Variants in CLECL1 observed in about 807,000 individuals in gnomAD.
The protein encoded by CLECL1 is C-type lectin-like domain family 1.
At chr12:9,713,668 T>C (rs1356768578), downstream of CLECL1, among the ~76,000 whole-genome samples, 1 of 152,226 alleles carries the variant, frequency 6.6e-6, no homozygotes, top group Admixed American at 6.5e-5. Context: ...ACTTATGTCT[T>C]TTTGTGCAAT....
At chr12:9,731,851 A>G (rs567451639) in intron 1 of CLECL1, among the ~76,000 whole-genome samples, 8 of 152,230 alleles carry the variant, frequency 5.3e-5, no homozygotes, top group Non-Finnish European at 1.2e-4. Flanking sequence ...CGGAATCAAA[A>G]ATATTGGTTT....
the CLECL1 span, among the ~76,000 whole-genome samples, chr12:9,706,671 AT>A: frequency 6.6e-6 from 1 of 152,186 alleles, no homozygotes; most frequent in African/African-American, 2.4e-5. Context: ...TGGTTGGTGT[AT>A]GTTGAACCAA....
the CLECL1 span, chr12:9,704,157 G>C: frequency 2.0e-5 from 3 of 151,838 alleles, no homozygotes; most frequent in Non-Finnish European, 4.4e-5. Flanking sequence ...TCAAATTTAT[G>C]GTAAGTTCAT....
At chr12:9,708,801 C>A in the CLECL1 span, 17 of 176,024 alleles carry the variant, frequency 9.7e-5, no homozygotes, top group Non-Finnish European at 2.0e-4. Flanking sequence ...CACTGGCTTT[C>A]TCTCTCCATC....
chr12:9,725,289 T>G (rs1243421687), intron 3 of CLECL1, among the ~76,000 whole-genome samples: 1 of 152,120 alleles, frequency 6.6e-6, no homozygotes, highest in African/African-American at 2.4e-5. Context: ...CAACATATCT[T>G]CAAAAAACAT....
At chr12:9,733,362 T>G (rs1176411753), upstream of CLECL1, 2 of 798,988 alleles carry the variant, frequency 2.5e-6, no homozygotes, top group Non-Finnish European at 2.0e-6. Context: ...TTTTCTCCTA[T>G]AGACCACTTC....
At chr12:9,731,083 T>C (rs1426088250) in intron 1 of CLECL1, among the ~76,000 whole-genome samples, 2 of 152,178 alleles carry the variant, frequency 1.3e-5, no homozygotes, top group African/African-American at 2.4e-5. Context: ...ATAAAAGATA[T>C]TGATCATTCT....
intron 1 of CLECL1, among the ~76,000 whole-genome samples, chr12:9,732,143 T>C (rs1055007821): frequency 2.6e-5 from 4 of 151,848 alleles, no homozygotes; most frequent in African/African-American, 9.7e-5. Flanking sequence ...CTTTTGAAAA[T>C]ATAAAGAAGA....
chr12:9,733,240 T>G (rs1866476243), upstream of CLECL1: 1 of 1,611,004 alleles, frequency 6.2e-7, no homozygotes, highest in East Asian at 2.2e-5. Context: ...AATACTTGTA[T>G]GACATGGAAG....
chr12:9,714,765 A>G (rs1866222283), downstream of CLECL1, among the ~76,000 whole-genome samples: 1 of 152,174 alleles, frequency 6.6e-6, no homozygotes, highest in Non-Finnish European at 1.5e-5. Flanking sequence ...ATGGCCATTG[A>G]TCTCTTATTA....
downstream of CLECL1, among the ~76,000 whole-genome samples, chr12:9,718,123 C>T (rs1866259799): frequency 6.6e-6 from 1 of 151,918 alleles, no homozygotes; most frequent in South Asian, 2.1e-4. Flanking sequence ...TTCCAAGTAT[C>T]TTTCTTTTAT....
chr12:9,722,480 C>A (rs756891350), downstream of CLECL1: 1,122 of 1,121,736 alleles, frequency 1.0e-3, 7 homozygotes, highest in African/African-American at 0.016. Flanking sequence ...AAAAAAAAAA[C>A]CTCAAAGGTA....
the CLECL1 span, among the ~76,000 whole-genome samples, chr12:9,705,430 CCTTTT>C: frequency 6.6e-6 from 1 of 152,040 alleles, no homozygotes; most frequent in African/African-American, 2.4e-5. Context: ...GTCAATCTTT[CCTTTT>C]CTTACAATTG....
At chr12:9,727,311 T>C (rs59016059) in intron 3 of CLECL1, among the ~76,000 whole-genome samples, 27,721 of 151,752 alleles carry the variant, frequency 0.18, 2,822 homozygotes, top group African/African-American at 0.27. Flanking sequence ...CAAAATAAAA[T>C]ACAATTATTT....
At chr12:9,716,861 C>T in intron 2 of CLECL1, 1 of 713,298 alleles carries the variant, frequency 1.4e-6, no homozygotes, top group Non-Finnish European at 2.1e-6. Flanking sequence ...ATTATGGGAC[C>T]ATCCTAGAAT....
At chr12:9,722,933 T>C in intron 3 of CLECL1, 120 bp from the exon 2 acceptor site, 1 of 654,702 alleles carries the variant, frequency 1.5e-6, no homozygotes, top group Non-Finnish European at 2.4e-6. Flanking sequence ...GAAAAAAGTA[T>C]GTGCTTTGTT....
At chr12:9,733,079 G>T (rs142098692), upstream of CLECL1, 377 of 1,612,616 alleles carry the variant, frequency 2.3e-4, no homozygotes, top group Middle Eastern at 3.3e-4. Flanking sequence ...TCCCACTGAA[G>T]GGACAATCAT....
intron 2 of CLECL1, among the ~76,000 whole-genome samples, chr12:9,727,823 T>C (rs774566162): frequency 6.6e-6 from 1 of 151,940 alleles, no homozygotes; most frequent in Admixed American, 6.5e-5. Context: ...ACATAACTAC[T>C]CTTTCCTAGA....
the CLECL1 span, among the ~76,000 whole-genome samples, chr12:9,702,317 C>T: frequency 6.6e-6 from 1 of 152,182 alleles, no homozygotes; most frequent in Non-Finnish European, 1.5e-5. Context: ...GAGGTCCCAC[C>T]ATCAAGCTGT....
Sources: allele counts gnomAD v4.1 joint callset (sites outside exome capture counted in the v4.1 genomes callset), GRCh38; gene constraint gnomAD v4.1.1; transcripts MANE v1.5; gene names NCBI Gene and HGNC (gene_info 2026-07-23, HGNC 2026-07-21).